Variants in COL6A6 observed in about 807,000 individuals in gnomAD.
COL6A6 encodes collagen type VI alpha 6 chain.
Under a neutral mutation model 208.6 loss-of-function variants are expected in COL6A6, and 183 were observed. The ratio of observed to expected loss-of-function variants is 0.88; its 90% CI spans 0.78 to 0.99. The LOEUF (loss-of-function observed/expected upper bound fraction) is 0.99. COL6A6 is among the 50% of genes least tolerant of loss of function. COL6A6 has a pLI of 0.00. For synonymous variants in COL6A6, 973 were observed against 1,011.8 expected, an observed-to-expected ratio of 0.96 and a Z score of 0.73; for missense variants, 2,816 against 2,815.2, an observed-to-expected ratio of 1.00 and a Z score of -0.01.
chr3:130,572,402 A>T (rs535191617), intron 7 of COL6A6, among the ~76,000 whole-genome samples: 1 of 150,342 alleles, frequency 6.7e-6, no homozygotes, highest in Non-Finnish European at 1.5e-5. Flanking sequence ...TTTACTAAAG[A>T]TACTAAATGT....
At chr3:130,551,386 C>G (rs1397187454) in intron 1 of COL6A6, among the ~76,000 whole-genome samples, 1 of 152,232 alleles carries the variant, frequency 6.6e-6, no homozygotes, top group East Asian at 1.9e-4. Context: ...CTTCCTGATT[C>G]ACTCTTGGGA....
chr3:130,535,941 A>C (rs1220363409), intron 1 of COL6A6, among the ~76,000 whole-genome samples: 3 of 152,088 alleles, frequency 2.0e-5, no homozygotes, highest in Non-Finnish European at 4.4e-5. Flanking sequence ...CTGAGCCTCA[A>C]CTCCTCATCT....
chr3:130,648,389 A>G (rs889270975), intron 32 of COL6A6, among the ~76,000 whole-genome samples: 29 of 152,314 alleles, frequency 1.9e-4, no homozygotes, highest in African/African-American at 7.0e-4. Flanking sequence ...CTGTTATTCT[A>G]AGTACTTTAC....
chr3:130,596,231 A>G (rs2063847387), intron 18 of COL6A6, among the ~76,000 whole-genome samples: 1 of 152,228 alleles, frequency 6.6e-6, no homozygotes. Flanking sequence ...ATTTAGAACC[A>G]AAGAACTATC....
chr3:130,544,827 C>T (rs982674079), intron 1 of COL6A6, among the ~76,000 whole-genome samples: 1 of 152,158 alleles, frequency 6.6e-6, no homozygotes, highest in Non-Finnish European at 1.5e-5. Context: ...ATTTGTATGT[C>T]ATCTTTGGAA....
At chr3:130,526,297 C>G (rs1004908374) in intron 1 of COL6A6, among the ~76,000 whole-genome samples, 1 of 151,846 alleles carries the variant, frequency 6.6e-6, no homozygotes. Context: ...CACTTCCAAG[C>G]AGGAACAACT....
chr3:130,606,909 T>C, intron 20 of COL6A6, 22 bp from the exon 21 acceptor site: 4 of 1,600,286 alleles, frequency 2.5e-6, no homozygotes, highest in Non-Finnish European at 3.4e-6. Context: ...ATTAATGATA[T>C]CCACCTTTTC....
chr3:130,535,906 G>A (rs1379561355), intron 1 of COL6A6, among the ~76,000 whole-genome samples: 1 of 152,136 alleles, frequency 6.6e-6, no homozygotes, highest in Non-Finnish European at 1.5e-5. Flanking sequence ...TATCACTGTA[G>A]GACCTTAGAA....
intron 33 of COL6A6, among the ~76,000 whole-genome samples, chr3:130,657,356 C>T (rs2065820151): frequency 6.6e-6 from 1 of 152,226 alleles, no homozygotes; most frequent in South Asian, 2.1e-4. Context: ...CCACTGCCAT[C>T]AAATCGAGCA....
At chr3:130,545,806 T>C (rs556696732) in intron 1 of COL6A6, among the ~76,000 whole-genome samples, 1 of 152,276 alleles carries the variant, frequency 6.6e-6, no homozygotes, top group East Asian at 1.9e-4. Flanking sequence ...GTGTTATGCG[T>C]TGGTGTACTT....
intron 26 of COL6A6, among the ~76,000 whole-genome samples, 155 bp downstream of exon 26, chr3:130,627,524 G>A (rs935654429): frequency 2.6e-5 from 4 of 152,172 alleles, no homozygotes; most frequent in Middle Eastern, 3.2e-3. Flanking sequence ...ATCCCATGAG[G>A]AATGTGATAG....
chr3:130,538,865 A>G (rs1044581180), intron 1 of COL6A6, among the ~76,000 whole-genome samples: 1 of 152,204 alleles, frequency 6.6e-6, no homozygotes, highest in Non-Finnish European at 1.5e-5. Flanking sequence ...ATTTCATGCT[A>G]TCCTACAATC....
chr3:130,571,524 T>A (rs1180594942), intron 7 of COL6A6, 131 bp downstream of exon 7: 5 of 625,480 alleles, frequency 8.0e-6, no homozygotes, highest in Non-Finnish European at 1.3e-5. Context: ...CATAGGACTT[T>A]CTATATTATA....
chr3:130,672,395 G>A (rs1003063400), intron 36 of COL6A6, among the ~76,000 whole-genome samples: 6 of 148,630 alleles, frequency 4.0e-5, no homozygotes, highest in Non-Finnish European at 8.8e-5. Context: ...TTCTCAAATT[G>A]AGTAATCACA....
At chr3:130,642,289 T>TGTGTA (rs2065337969) in intron 29 of COL6A6, among the ~76,000 whole-genome samples, 1 of 135,956 alleles carries the variant, frequency 7.4e-6, no homozygotes, top group African/African-American at 3.5e-5. Flanking sequence ...GTGTGTGTAT[T>TGTGTA]TTTTGTTTTG....
At position 130,675,193 on chromosome 3, in the gene COL6A6, G is replaced by A. The variant is rs1331064153; in HGVS notation, c.6597-9G>A. 3.9e-6 allele frequency: 6 copies of A among 1,521,296 alleles called. No homozygotes were observed. The highest frequency in any genetic ancestry group is 2.1e-5 in the Admixed American group (1 of 46,832). The allele number at this position is 1,521,296 out of a possible 1,614,324, so 94.2% of individuals were successfully genotyped here. A position where few individuals can be genotyped will look rare whatever the true frequency, so the allele number is the denominator to read the frequency against. ...TTTATCTTCTATGATGTTCTCTTTT[G>A]TTGTATAGCTTTGTTCCTGGACCAC... is the stretch of plus-strand genomic sequence containing the variant. On this transcript the variant is annotated splice_polypyrimidine_tract_variant and intron_variant, in intron 36 of 36. Coordinates refer to ENST00000358511, the MANE Select transcript of COL6A6 (RefSeq NM_001102608.3).
chr3:130,540,335 G>A (rs769591671), intron 1 of COL6A6, among the ~76,000 whole-genome samples: 2 of 152,064 alleles, frequency 1.3e-5, no homozygotes, highest in Admixed American at 6.5e-5. Context: ...ACCTGCCTAC[G>A]CTGGCACATC....
In COL6A6 at chr3:130,608,967, A is replaced by G. The variant is rs1230494976; in HGVS notation, c.4752+3A>G. ...CCCTGGGACTTAAGGGCCCTCAGGTACATATCAAGACCAATCAGGGTGTGA... is the reference window on the plus strand; with the variant it reads ...CCCTGGGACTTAAGGGCCCTCAGGTGCATATCAAGACCAATCAGGGTGTGA... On this transcript the variant is annotated splice_donor_region_variant and intron_variant, in intron 22 of 36. Transcript: ENST00000358511. The G allele has an allele frequency of 3.7e-6, 6 of 1,607,746 alleles. No individual in the cohort carries two copies. The highest frequency in any genetic ancestry group is 1.6e-4 in the Middle Eastern group (1 of 6,068).
At position 130,550,436 on chromosome 3, in the gene COL6A6, G is replaced by C. The variant is rs188106769; in HGVS notation, c.-31-9898G>C. ...CCCATTCAGTATGATGTTGGCTATG[G>C]GTTTGTCATAGATGGCTCTGTGTTA... On this transcript the variant is annotated intron_variant, in intron 1 of 36. Coordinates refer to ENST00000358511, the MANE Select transcript of COL6A6 (RefSeq NM_001102608.3). Among the ~76,000 whole-genome samples the C allele has an allele frequency of 2.0e-3, 308 of 152,200 alleles. 1 individual carries two copies. Among genetic ancestry groups the C allele is most frequent in the African/African-American group, 7.1e-3 (294 of 41,522 alleles).
Sources: allele counts gnomAD v4.1 joint callset (sites outside exome capture counted in the v4.1 genomes callset), GRCh38; gene constraint gnomAD v4.1.1; transcripts MANE v1.5; gene names NCBI Gene and HGNC (gene_info 2026-07-23, HGNC 2026-07-21).